Variants in MAP2K6 observed in about 807,000 individuals in gnomAD.
MAP2K6 encodes the protein dual specificity mitogen-activated protein kinase kinase 6.
A neutral mutation model predicts 53.7 loss-of-function variants in MAP2K6; 16 were observed. That is an observed-to-expected ratio of 0.30 (90% CI 0.20 to 0.45). The LOEUF is 0.45. Ranked by LOEUF, MAP2K6 falls within the 20% of genes least tolerant of loss-of-function variation. The probability of loss-of-function intolerance (pLI) is 1.00; values close to 1 mark genes in which losing one functional copy is unlikely to be tolerated. For missense variants in MAP2K6, 204 were observed against 411.9 expected (o/e 0.50, Z 4.37); for synonymous variants, 132 against 143.1 (o/e 0.92, Z 0.55).
chr17:69,459,543 C>T lies in MAP2K6; in HGVS notation c.16+44543C>T, dbSNP rs1434708489. Reference sequence around the variant, plus strand: ...CCTGGCCAACATGGTAAAACCCTGTCTCAACTAAAGATACAAAAATTAGCC... The same window carrying T: ...CCTGGCCAACATGGTAAAACCCTGTTTCAACTAAAGATACAAAAATTAGCC... On this transcript the variant is annotated intron_variant, in intron 1 of 11. Transcript: ENST00000590474. Among the ~76,000 whole-genome samples, 9 of 151,738 alleles carry T rather than the reference C, an allele frequency of 5.9e-5. No homozygotes were observed. In the South Asian group the frequency reaches 8.3e-4, roughly 14 times the overall value.
intron 11 of MAP2K6, among the ~76,000 whole-genome samples, chr17:69,540,530 T>C (rs74367802): frequency 0.016 from 2,507 of 152,324 alleles, 38 homozygotes; most frequent in Middle Eastern, 0.034. Context: ...GCACTTATTG[T>C]AACAAAATTG....
intron 11 of MAP2K6, among the ~76,000 whole-genome samples, chr17:69,539,136 G>A (rs1192026363): frequency 6.6e-6 from 1 of 152,204 alleles, no homozygotes; most frequent in East Asian, 1.9e-4. Flanking sequence ...AGATTGAACT[G>A]TATGTTAAAC....
chr17:69,426,815 A>C (rs1906288130), intron 1 of MAP2K6, among the ~76,000 whole-genome samples: 1 of 152,040 alleles, frequency 6.6e-6, no homozygotes, highest in South Asian at 2.1e-4. Context: ...AAAAAAGAAA[A>C]GAAAATGCCC....
At chr17:69,502,141 C>T (rs570902663) in intron 1 of MAP2K6, 35 of 984,500 alleles carry the variant, frequency 3.6e-5, no homozygotes, top group Admixed American at 1.8e-4. Flanking sequence ...ATTAATGTCA[C>T]GCCTGGGTGT....
Position 69,491,108 on chromosome 17 carries a change from TTTCCTTCCTTCC to T in MAP2K6, c.17-14657_17-14646del, listed in dbSNP as rs34072741. ...GGTGTATATGTACCACATTGTCTTT[TTTCCTTCCTTCC>T]TTCCTTCCTTCCTTTCTTCCTTCCC... On this transcript the variant is annotated intron_variant, in intron 1 of 11. Coordinates refer to ENST00000590474, the MANE Select transcript of MAP2K6 (RefSeq NM_002758.4). 5.4e-5 allele frequency among the ~76,000 whole-genome samples: 8 copies of T among 148,846 alleles called. No individual in the cohort carries two copies. In the East Asian group the frequency reaches 6.3e-4, roughly 12 times the overall value.
At chr17:69,430,248 AT>A (rs1906415285) in intron 1 of MAP2K6, among the ~76,000 whole-genome samples, 1 of 152,118 alleles carries the variant, frequency 6.6e-6, no homozygotes, top group Non-Finnish European at 1.5e-5. Context: ...AGGCATGAGA[AT>A]CGCTTGAACC....
At chr17:69,521,242 G>A (rs954158692) in intron 7 of MAP2K6, 142 bp downstream of exon 7, 2 of 623,174 alleles carry the variant, frequency 3.2e-6, no homozygotes, top group Admixed American at 2.9e-5. Flanking sequence ...CTTTGAGATT[G>A]GATAGCAAAC....
intron 1 of MAP2K6, among the ~76,000 whole-genome samples, chr17:69,505,063 C>G (rs1909390506): frequency 6.6e-6 from 1 of 150,548 alleles, no homozygotes; most frequent in East Asian, 1.9e-4. Flanking sequence ...GGTGACCACC[C>G]TTTACTAACA....
chr17:69,492,697 G>T (rs67361810), intron 1 of MAP2K6, among the ~76,000 whole-genome samples: 1 of 151,878 alleles, frequency 6.6e-6, no homozygotes, highest in African/African-American at 2.4e-5. Context: ...CTCCTCTCTG[G>T]GTGTGTCTAC....
At chr17:69,453,393 G>T (rs537896791) in intron 1 of MAP2K6, among the ~76,000 whole-genome samples, 2 of 152,338 alleles carry the variant, frequency 1.3e-5, no homozygotes, top group South Asian at 4.1e-4. Flanking sequence ...TGGTGGGCCA[G>T]ATTTGGCCCT....
At chr17:69,520,544 T>A in intron 6 of MAP2K6, 158 bp downstream of exon 6, 1 of 605,530 alleles carries the variant, frequency 1.7e-6, no homozygotes. Context: ...ATGCTTTCCT[T>A]TCTGAGCACT....
intron 1 of MAP2K6, chr17:69,502,093 C>A (rs1909199895): frequency 1.2e-6 from 1 of 864,464 alleles, no homozygotes; most frequent in Non-Finnish European, 1.4e-6. Context: ...ATGGTACTGT[C>A]CAGATTTATA....
intron 1 of MAP2K6, among the ~76,000 whole-genome samples, chr17:69,460,240 G>A (rs978754976): frequency 3.3e-5 from 5 of 152,160 alleles, no homozygotes; most frequent in African/African-American, 1.2e-4. Context: ...AGGGTCCAGT[G>A]GTGAGGGGAG....
intron 2 of MAP2K6, among the ~76,000 whole-genome samples, chr17:69,510,366 G>C (rs1909751446): frequency 6.6e-6 from 1 of 152,110 alleles, no homozygotes; most frequent in African/African-American, 2.4e-5. Flanking sequence ...AAATTTTGTT[G>C]AGGATTTTTG....
chr17:69,512,687 G>A (rs1206835560), intron 2 of MAP2K6, among the ~76,000 whole-genome samples: 1 of 152,104 alleles, frequency 6.6e-6, no homozygotes, highest in African/African-American at 2.4e-5. Context: ...GTTGAAAGAG[G>A]TATTAATGAG....
chr17:69,496,699 T>C (rs1209875260), intron 1 of MAP2K6, among the ~76,000 whole-genome samples: 1 of 152,122 alleles, frequency 6.6e-6, no homozygotes, highest in Non-Finnish European at 1.5e-5. Flanking sequence ...TTTCCCTGTC[T>C]GTCTCAGGCA....
intron 9 of MAP2K6, 31 bp downstream of exon 9, chr17:69,525,009 G>A (rs2144832480): frequency 6.3e-7 from 1 of 1,579,080 alleles, no homozygotes; most frequent in Non-Finnish European, 8.7e-7. Context: ...TGAACTATGA[G>A]GTTGTGGGTA....
intron 1 of MAP2K6, among the ~76,000 whole-genome samples, chr17:69,446,976 C>CTTTTTTTTTTTTTTTTTTTTTTTT (rs71357721): frequency 7.7e-6 from 1 of 129,524 alleles, no homozygotes. Context: ...ACCTCTGTTT[C>CTTTTTTTTTTTTTTTTTTTTTTTT]TTTTTTTTTT....
chr17:69,449,533 CTTTCTTTCTTTCTTTCTTTCTTTCTTTA>C (rs1418042122), intron 1 of MAP2K6, among the ~76,000 whole-genome samples: 18 of 69,938 alleles, frequency 2.6e-4, no homozygotes, highest in African/African-American at 4.7e-4. Flanking sequence ...CTTTCTTTGT[CTTTCTTTCTTTCTTTCTTTCTTTCTTTA>C]TTTCTTTCTT....
Sources: gnomAD v4.1 joint callset for allele counts (sites outside exome capture counted in the v4.1 genomes callset) on GRCh38, gnomAD v4.1.1 for gene constraint, MANE v1.5 for transcripts, NCBI Gene and HGNC (gene_info 2026-07-23, HGNC 2026-07-21) for gene names.